NAA35: variants seen among roughly 807,000 people sequenced by gnomAD.
NAA35 encodes the protein N-alpha-acetyltransferase 35, NatC auxiliary subunit.
NAA35 carries 18 observed loss-of-function variants against 101.7 expected under a neutral mutation model. The ratio of observed to expected loss-of-function variants is 0.18; its 90% CI spans 0.12 to 0.26. NAA35 has a LOEUF of 0.26. Among genes scored for constraint, NAA35 ranks in the 10% least tolerant of loss-of-function variants. The pLI, the probability that NAA35 is intolerant of heterozygous loss-of-function variation, is 1.00. For missense variants in NAA35, 601 were observed against 886.8 expected, an observed-to-expected ratio of 0.68 and a Z score of 4.09; for synonymous variants, 267 against 273.1, an observed-to-expected ratio of 0.98 and a Z score of 0.22.
chr9:86,018,338 G>A lies in NAA35; in HGVS notation c.1857G>A (p.Arg619=). The A allele has an allele frequency of 6.2e-7, 1 of 1,614,030 alleles. No individual in the cohort carries two copies. The highest frequency in any genetic ancestry group is 8.5e-7 in the Non-Finnish European group (1 of 1,179,944). ...LDSEQVRYEH[R]FAPFNSVMTP... ...GTGAACAAGTTCGGTATGAACACAG[G>A]TTTGCTCCATTCAACAGTGTGATGA... Residue 619 remains arginine (R), a synonymous_variant, in exon 20 of 23, where the codon AGG becomes AGA. Coordinates refer to ENST00000361671, the MANE Select transcript of NAA35 (RefSeq NM_024635.4).
At chr9:86,020,837 G>A (rs1051783506) in intron 21 of NAA35, 52 bp from the exon 22 acceptor site, 41 of 1,453,506 alleles carry the variant, frequency 2.8e-5, no homozygotes, top group Non-Finnish European at 3.7e-5. Context: ...AAGAAAAAGA[G>A]AAATTTTGAC....
chr9:85,953,770 T>G (rs1829123538), intron 2 of NAA35, among the ~76,000 whole-genome samples: 1 of 152,206 alleles, frequency 6.6e-6, no homozygotes, highest in Non-Finnish European at 1.5e-5. Context: ...TTCATTTAAA[T>G]GGACTCACAC....
chr9:85,960,829 G>A (rs930072421), intron 5 of NAA35, among the ~76,000 whole-genome samples: 1 of 152,228 alleles, frequency 6.6e-6, no homozygotes, highest in African/African-American at 2.4e-5. Flanking sequence ...AGTAAGAAAG[G>A]CTGTAGAAAG....
intron 13 of NAA35, among the ~76,000 whole-genome samples, chr9:86,005,141 A>G (rs896466918): frequency 1.3e-5 from 2 of 152,242 alleles, no homozygotes; most frequent in African/African-American, 4.8e-5. Flanking sequence ...TCAACAATAT[A>G]TAAAAAGAGG....
intron 5 of NAA35, among the ~76,000 whole-genome samples, chr9:85,961,791 A>G (rs1008532783): frequency 3.3e-5 from 5 of 152,152 alleles, no homozygotes; most frequent in Non-Finnish European, 4.4e-5. Context: ...AATTTCATTA[A>G]TCTCTAATAT....
chr9:85,997,185 C>T (rs905677408), intron 12 of NAA35, among the ~76,000 whole-genome samples: 1 of 151,586 alleles, frequency 6.6e-6, no homozygotes, highest in Non-Finnish European at 1.5e-5. Context: ...TGGTGTTGAA[C>T]TCCTGGGTTC....
At chr9:85,948,954 G>A (rs1020432378) in intron 2 of NAA35, among the ~76,000 whole-genome samples, 5 of 151,892 alleles carry the variant, frequency 3.3e-5, no homozygotes, top group Non-Finnish European at 5.9e-5. Flanking sequence ...ATGGGGTTTC[G>A]CCCTGTTGGC....
intron 15 of NAA35, among the ~76,000 whole-genome samples, chr9:86,012,057 T>G (rs1257290659): frequency 2.0e-5 from 3 of 148,176 alleles, no homozygotes; most frequent in African/African-American, 7.4e-5. Context: ...AGACCAGAAT[T>G]TATTTCATTT....
In NAA35 at chr9:86,010,870, C is replaced by A. The variant is rs1212607842; in HGVS notation, c.1290+939C>A. Among the ~76,000 whole-genome samples the A allele has an allele frequency of 3.3e-5, 5 of 151,586 alleles. No homozygotes were observed. In the East Asian group the frequency reaches 9.8e-4, roughly 30 times the overall value. ...GGGATTACAAGCGTGAGCCACCGCG[C>A]CTGGCCTAACCTTAGAATATTTTTA... On this transcript the variant is annotated intron_variant, in intron 15 of 22. Coordinates refer to ENST00000361671, the MANE Select transcript of NAA35 (RefSeq NM_024635.4).
chr9:85,955,526 C>A (rs1829234919), intron 2 of NAA35, among the ~76,000 whole-genome samples: 1 of 151,010 alleles, frequency 6.6e-6, no homozygotes, highest in South Asian at 2.1e-4. Context: ...CCACACCTGG[C>A]TAATTTTTTT....
chr9:85,962,946 T>C (rs1166163661), intron 6 of NAA35, among the ~76,000 whole-genome samples: 1 of 152,112 alleles, frequency 6.6e-6, no homozygotes, highest in Non-Finnish European at 1.5e-5. Flanking sequence ...GATAGAAAGA[T>C]TTTTTTCCCC....
chr9:85,976,853 G>A, intron 9 of NAA35, 118 bp downstream of exon 9: 3 of 705,752 alleles, frequency 4.3e-6, no homozygotes, highest in Admixed American at 3.3e-5. Flanking sequence ...TTTAAAAATT[G>A]GACATTGCAA....
chr9:86,018,910 A>C, intron 21 of NAA35, 89 bp downstream of exon 21: 1 of 1,500,110 alleles, frequency 6.7e-7, no homozygotes, highest in Non-Finnish European at 9.0e-7. Context: ...ATGAAAGTGA[A>C]CTTTAATAGT....
intron 2 of NAA35, among the ~76,000 whole-genome samples, chr9:85,951,517 T>TAA (rs773541053): frequency 6.6e-6 from 1 of 152,242 alleles, no homozygotes; most frequent in South Asian, 2.1e-4. Flanking sequence ...GGACTCTTTA[T>TAA]GCTCTGTTAC....
intron 10 of NAA35, 130 bp from the exon 11 acceptor site, chr9:85,978,137 C>T (rs1830291714): frequency 3.2e-6 from 2 of 628,320 alleles, no homozygotes; most frequent in East Asian, 5.5e-5. Context: ...GTATTAAGTG[C>T]ATAGTTTATG....
chr9:86,017,686 C>A, intron 19 of NAA35, 121 bp downstream of exon 19: 1 of 802,164 alleles, frequency 1.2e-6, no homozygotes, highest in Non-Finnish European at 1.9e-6. Context: ...TACTTCCTGT[C>A]TGCTTGAAGA....
chr9:86,003,013 CTTCTT>C (rs1369774540), intron 12 of NAA35, among the ~76,000 whole-genome samples: 1 of 151,546 alleles, frequency 6.6e-6, no homozygotes. Context: ...AGTCAATAGA[CTTCTT>C]TTCTGGATGT....
intron 1 of NAA35, 158 bp downstream of exon 1, chr9:85,941,431 C>G: frequency 8.1e-6 from 8 of 985,372 alleles, no homozygotes; most frequent in Non-Finnish European, 9.6e-6. Flanking sequence ...TCCCCAGTGC[C>G]CGCTGTCGGC....
At position 85,978,276 on chromosome 9, in the gene NAA35, G is replaced by A. The variant is rs760165501; in HGVS notation, c.772G>A (p.Val258Ile). ...IAFTKKETSA[V>I]AEAQKLMVQA... ...GTGATTTATTTGCTAGACCAGTGCT[G>A]TTGCAGAAGCTCAAAAATTGATGGT... The change falls in exon 11 of 23, where the codon GTT becomes ATT. Residue 258 changes from valine (V) to isoleucine (I), a missense_variant. Physicochemically the swap from Val to Ile is conservative, Grantham distance 29. This residue lies in a region of NAA35 where 190 missense variants were observed against 223.1 expected (regional missense o/e 0.85). Coordinates refer to ENST00000361671, the MANE Select transcript of NAA35 (RefSeq NM_024635.4). The A allele has an allele frequency of 2.5e-6, 4 of 1,608,314 alleles. No individual in the cohort carries two copies. In the South Asian group the frequency reaches 4.4e-5, roughly 18 times the overall value.
Sources: allele counts gnomAD v4.1 joint callset (sites outside exome capture counted in the v4.1 genomes callset), GRCh38; gene constraint gnomAD v4.1.1; regional missense constraint gnomAD v4.1.1; transcripts MANE v1.5; gene names NCBI Gene and HGNC (gene_info 2026-07-23, HGNC 2026-07-21).